The following STIL variants were observed in gnomAD, a reference collection of about 807,000 sequenced individuals.
STIL encodes SCL-interrupting locus protein.
Under a neutral mutation model 110.1 loss-of-function variants are expected in STIL, and 55 were observed. That is an observed-to-expected ratio of 0.50 (90% CI 0.40 to 0.63). The LOEUF is 0.63. Among genes scored for constraint, STIL ranks in the 20% least tolerant of loss-of-function variants. The pLI, the probability that STIL is intolerant of heterozygous loss-of-function variation, is 0.00. For missense variants in STIL, 1,358 were observed against 1,530.0 expected (o/e 0.89, Z 1.87); for synonymous variants, 481 against 530.0 (o/e 0.91, Z 1.27).
At chr1:47,275,604 T>C (rs1175412455) in intron 12 of STIL, among the ~76,000 whole-genome samples, 3 of 151,722 alleles carry the variant, frequency 2.0e-5, no homozygotes, top group Non-Finnish European at 4.4e-5. Context: ...TGAGACTCCA[T>C]CTCAATAAAT....
chr1:47,289,054 T>A (rs1645393571), intron 9 of STIL, among the ~76,000 whole-genome samples: 1 of 97,242 alleles, frequency 1.0e-5, no homozygotes, highest in Non-Finnish European at 2.0e-5. Flanking sequence ...TGAGTGAGAT[T>A]CCATCTCAAA....
At chr1:47,293,610 C>T in intron 7 of STIL, 66 bp from the exon 8 acceptor site, 1 of 1,312,660 alleles carries the variant, frequency 7.6e-7, no homozygotes, top group Non-Finnish European at 1.1e-6. Flanking sequence ...TTACATTCTT[C>T]CTAAGATAAC....
chr1:47,302,034 A>G (rs1429904910), intron 4 of STIL, among the ~76,000 whole-genome samples, 200 bp downstream of exon 4: 2 of 152,204 alleles, frequency 1.3e-5, no homozygotes, highest in Non-Finnish European at 2.9e-5. Context: ...CGCAAAGCAA[A>G]TACAATAGTT....
chr1:47,305,982 C>T (rs1280497996), intron 2 of STIL, among the ~76,000 whole-genome samples: 1 of 151,966 alleles, frequency 6.6e-6, no homozygotes, highest in Non-Finnish European at 1.5e-5. Flanking sequence ...CTACCCGCCT[C>T]AGCCTCCCAA....
At chr1:47,262,388 ACTC>A (rs1644511329) in intron 15 of STIL, among the ~76,000 whole-genome samples, 1 of 151,404 alleles carries the variant, frequency 6.6e-6, no homozygotes, top group Admixed American at 6.6e-5. Flanking sequence ...TTACACTACT[ACTC>A]CTCAACAGCC....
intron 5 of STIL, 94 bp from the exon 6 acceptor site, chr1:47,300,246 A>G: frequency 1.7e-6 from 2 of 1,205,524 alleles, no homozygotes; most frequent in Non-Finnish European, 2.3e-6. Flanking sequence ...CATATATAAT[A>G]TCTTGCACAA....
chr1:47,295,959 C>T (rs1024687980), intron 6 of STIL, 111 bp from the exon 7 acceptor site: 18 of 796,448 alleles, frequency 2.3e-5, no homozygotes, highest in Non-Finnish European at 3.2e-5. Flanking sequence ...TTCAAATGAA[C>T]GTTGTCTTGC....
At chr1:47,311,532 C>T (rs1245841587) in intron 1 of STIL, among the ~76,000 whole-genome samples, 1 of 152,050 alleles carries the variant, frequency 6.6e-6, no homozygotes, top group Non-Finnish European at 1.5e-5. Flanking sequence ...AGCAATCCAT[C>T]AGCCTTTGCC....
chr1:47,290,787 TA>T (rs1645463327), intron 8 of STIL, among the ~76,000 whole-genome samples: 1 of 152,080 alleles, frequency 6.6e-6, no homozygotes, highest in Non-Finnish European at 1.5e-5. Context: ...GATGAGGTTA[TA>T]AATCATTGGA....
intron 3 of STIL, among the ~76,000 whole-genome samples, chr1:47,302,990 T>C (rs1645850457): frequency 6.6e-6 from 1 of 152,170 alleles, no homozygotes; most frequent in African/African-American, 2.4e-5. Flanking sequence ...GGGAAACTAC[T>C]GTATTGAATA....
Position 47,260,303 on chromosome 1 carries a change from G to A in STIL, c.3066C>T (p.Asn1022=), listed in dbSNP as rs1328773284. ...SPTKVKKNAH[N]VDHASVLACI... is the part of the protein sequence containing the mutation. ...TTAAAAGTTACCTGGCGTGATCCAC[G>A]TTATGTGCATTTTTCTTCACTTTAG... is the stretch of plus-strand genomic sequence containing the variant. Residue 1022 remains asparagine (N), a synonymous_variant, in exon 16 of 17, where the codon AAC becomes AAT. Transcript: ENST00000371877. 10 of 1,613,680 alleles carry A rather than the reference G, an allele frequency of 6.2e-6. No individual in the cohort carries two copies. Among genetic ancestry groups the A allele is most frequent in the African/African-American group, 1.3e-5 (1 of 74,898 alleles).
At chr1:47,264,146 G>C (rs1472517031) in intron 14 of STIL, among the ~76,000 whole-genome samples, 1 of 152,086 alleles carries the variant, frequency 6.6e-6, no homozygotes, top group East Asian at 1.9e-4. Flanking sequence ...AGATTACAAG[G>C]GTCCTTAATA....
At chr1:47,279,205 CCCG>C (rs1645076880) in intron 12 of STIL, among the ~76,000 whole-genome samples, 1 of 150,840 alleles carries the variant, frequency 6.6e-6, no homozygotes, top group African/African-American at 2.4e-5. Flanking sequence ...ATGGCGTGAA[CCCG>C]GGAGGCGGAG....
At chr1:47,308,391 A>G (rs1342953997) in intron 2 of STIL, among the ~76,000 whole-genome samples, 1 of 141,208 alleles carries the variant, frequency 7.1e-6, no homozygotes, top group Non-Finnish European at 1.5e-5. Flanking sequence ...ATACTGTCTC[A>G]AAAAACAAAA....
intron 12 of STIL, among the ~76,000 whole-genome samples, chr1:47,279,680 G>A (rs1363033891): frequency 7.5e-6 from 1 of 133,496 alleles, no homozygotes; most frequent in Admixed American, 8.3e-5. Flanking sequence ...AGTGAGCCAA[G>A]ATCATGCCCC....
intron 15 of STIL, among the ~76,000 whole-genome samples, chr1:47,262,003 T>C (rs1269542442): frequency 6.6e-6 from 1 of 152,196 alleles, no homozygotes; most frequent in African/African-American, 2.4e-5. Flanking sequence ...ATGCTTTCGT[T>C]TGCAAAGTGA....
At chr1:47,296,524 G>C (rs756814807) in intron 6 of STIL, among the ~76,000 whole-genome samples, 3 of 152,000 alleles carry the variant, frequency 2.0e-5, no homozygotes, top group Non-Finnish European at 4.4e-5. Context: ...TAGTGGGTCA[G>C]GCATGGTGGC....
rs1645126061 is a variant in STIL at position 47,280,489 on chromosome 1, A to G, written c.1969T>C (p.Cys657Arg). The G allele has an allele frequency of 6.2e-7, 1 of 1,614,150 alleles. No individual in the cohort carries two copies. The highest frequency in any genetic ancestry group is 8.5e-7 in the Non-Finnish European group (1 of 1,180,054). Residue 657 changes from cysteine to arginine, a missense_variant, in exon 12 of 17, where the codon TGT (cysteine) becomes CGT (arginine). Transcript: ENST00000371877. ...GCPALYCNAF[C>R]SSSSPIALRP... ...AAGGCTATAGGACTACTTGAAGAAC[A>G]GAATGCATTACAGTACAGGGCTGGA... is the stretch of plus-strand genomic sequence containing the variant.
At chr1:47,304,572 T>C (rs1003005202) in intron 3 of STIL, among the ~76,000 whole-genome samples, 8 of 152,220 alleles carry the variant, frequency 5.3e-5, no homozygotes, top group Non-Finnish European at 7.3e-5. Flanking sequence ...CACTCAAAAA[T>C]TGGTTCAAGC....
Sources: gnomAD v4.1 joint callset for allele counts (sites outside exome capture counted in the v4.1 genomes callset) on GRCh38, gnomAD v4.1.1 for gene constraint, MANE v1.5 for transcripts, NCBI Gene and HGNC (gene_info 2026-07-23, HGNC 2026-07-21) for gene names.